GRIP1: variants seen among roughly 807,000 people sequenced by gnomAD.
GRIP1 encodes the protein glutamate receptor interacting protein 1.
Under a neutral mutation model 129.9 loss-of-function variants are expected in GRIP1, and 45 were observed. The ratio of observed to expected loss-of-function variants is 0.35; its 90% CI spans 0.27 to 0.44. GRIP1 has a LOEUF of 0.44. Ranked by LOEUF, GRIP1 falls within the 20% of genes least tolerant of loss-of-function variation. The pLI, the probability that GRIP1 is intolerant of heterozygous loss-of-function variation, is 1.00. For synonymous variants in GRIP1, 530 were observed against 520.8 expected (o/e 1.02, Z -0.24); for missense variants, 1,196 against 1,396.8 (o/e 0.86, Z 2.29).
At chr12:67,006,806 C>T (rs2042634154) in intron 1 of GRIP1, among the ~76,000 whole-genome samples, 2 of 152,126 alleles carry the variant, frequency 1.3e-5, no homozygotes, top group African/African-American at 4.8e-5. Flanking sequence ...TTTCCGTTTA[C>T]CCATGCACAA....
rs778033083 is a variant in GRIP1 at position 66,353,534 on chromosome 12, C to G, written c.3042G>C (p.Glu1014Asp). Residue 1014 changes from glutamate (E) to aspartate (D), a missense_variant, in exon 24 of 25, where the codon GAG (glutamate) becomes GAC (aspartate). By Grantham distance (45) the Glu-to-Asp change is conservative. Transcript: ENST00000359742. ...CATCTGCTACACTGAACCCAAAGTCCTCCATGTCAGAGTCCTTGTACAAGG... is the reference window on the plus strand; with the variant it reads ...CATCTGCTACACTGAACCCAAAGTCGTCCATGTCAGAGTCCTTGTACAAGG... ...KVTLYKDSDMEDFGFSVADGL... is the reference protein window; with the variant it reads ...KVTLYKDSDMDDFGFSVADGL... 6.2e-7 allele frequency: 1 copy of G among 1,613,882 alleles called. No individual in the cohort carries two copies. Among genetic ancestry groups the G allele is most frequent in the Non-Finnish European group, 8.5e-7 (1 of 1,179,790 alleles).
At chr12:66,964,175 A>C (rs2041962981) in intron 1 of GRIP1, among the ~76,000 whole-genome samples, 2 of 152,170 alleles carry the variant, frequency 1.3e-5, no homozygotes, top group African/African-American at 4.8e-5. Context: ...TCTAAAGAAT[A>C]AATCATGCAG....
intron 4 of GRIP1, among the ~76,000 whole-genome samples, chr12:66,534,031 TGTGGATG>T (rs2061539076): frequency 6.6e-6 from 1 of 152,172 alleles, no homozygotes; most frequent in African/African-American, 2.4e-5. Context: ...GACCTTCAGG[TGTGGATG>T]GCCTGTTTCT....
intron 2 of GRIP1, among the ~76,000 whole-genome samples, chr12:66,584,152 G>C (rs971484355): frequency 1.3e-5 from 2 of 149,268 alleles, no homozygotes; most frequent in African/African-American, 2.5e-5. Context: ...GTAAACTATC[G>C]CAAGAACAAA....
intron 5 of GRIP1, among the ~76,000 whole-genome samples, chr12:66,527,002 C>T (rs1355152029): frequency 7.2e-6 from 1 of 138,108 alleles, no homozygotes; most frequent in African/African-American, 2.8e-5. Flanking sequence ...GTTAGAATGG[C>T]GATCATTAAA....
chr12:67,045,066 C>T (rs1480231202), intron 1 of GRIP1, among the ~76,000 whole-genome samples: 1 of 152,158 alleles, frequency 6.6e-6, no homozygotes, highest in Non-Finnish European at 1.5e-5. Context: ...AGGTCATCTC[C>T]AGAGTGTATG....
intron 1 of GRIP1, among the ~76,000 whole-genome samples, chr12:66,922,160 G>A (rs1158166505): frequency 6.6e-6 from 1 of 152,214 alleles, no homozygotes; most frequent in African/African-American, 2.4e-5. Flanking sequence ...GGGAAAGAAT[G>A]AGGAAAACCA....
In GRIP1 at chr12:67,023,509, C is replaced by G. The variant is rs148370950; in HGVS notation, c.58+45541G>C. ...TTATTTGTCTTCTTGATGCTGATAC[C>G]ATACTGTCTTGATTATTGCAGCTTT... On this transcript the variant is annotated intron_variant, in intron 1 of 1. Transcript: ENST00000643019. Among the ~76,000 whole-genome samples, 78 of 152,072 alleles carry G rather than the reference C, an allele frequency of 5.1e-4. 5 individuals are homozygous for G. In the East Asian group the frequency reaches 0.015, roughly 29 times the overall value.
At chr12:66,605,715 C>T (rs2064492793) in intron 1 of GRIP1, among the ~76,000 whole-genome samples, 1 of 152,116 alleles carries the variant, frequency 6.6e-6, no homozygotes, top group Admixed American at 6.6e-5. Context: ...ATCTTTCCTT[C>T]TTTTTTTCTG....
intron 1 of GRIP1, among the ~76,000 whole-genome samples, chr12:66,652,468 C>T (rs949332508): frequency 6.6e-6 from 1 of 152,158 alleles, no homozygotes; most frequent in Admixed American, 6.5e-5. Context: ...TACAAATTAC[C>T]TTGGGTATTT....
intron 1 of GRIP1, among the ~76,000 whole-genome samples, chr12:66,996,154 G>A (rs1405424994): frequency 6.6e-6 from 1 of 151,634 alleles, no homozygotes; most frequent in African/African-American, 2.4e-5. Flanking sequence ...AGTGGGGAGG[G>A]GAAAATAAGG....
intron 1 of GRIP1, among the ~76,000 whole-genome samples, chr12:66,765,433 T>C (rs2037605242): frequency 6.6e-6 from 1 of 152,238 alleles, no homozygotes; most frequent in African/African-American, 2.4e-5. Context: ...TCTTCTTCCT[T>C]TGCAGTGTTG....
At chr12:66,568,911 G>C in intron 2 of GRIP1, 1 of 522,104 alleles carries the variant, frequency 1.9e-6, no homozygotes, top group African/African-American at 1.9e-5. Flanking sequence ...AGGGAGGTGA[G>C]ACAGTCTGGG....
intron 2 of GRIP1, among the ~76,000 whole-genome samples, chr12:66,549,397 G>A (rs1161622365): frequency 6.6e-6 from 1 of 151,934 alleles, no homozygotes; most frequent in African/African-American, 2.4e-5. Flanking sequence ...GGGGAATTAG[G>A]GCACGCACCA....
chr12:66,614,897 T>C (rs1330101975), intron 1 of GRIP1, among the ~76,000 whole-genome samples: 1 of 152,204 alleles, frequency 6.6e-6, no homozygotes, highest in Non-Finnish European at 1.5e-5. Flanking sequence ...CCCTTATGCC[T>C]TGGCATGACC....
At chr12:66,446,404 A>G (rs2138127562) in intron 11 of GRIP1, among the ~76,000 whole-genome samples, 1 of 152,122 alleles carries the variant, frequency 6.6e-6, no homozygotes, top group South Asian at 2.1e-4. Context: ...CTCCAGAAAG[A>G]GTCTGGCCCC....
chr12:67,037,910 T>C (rs756766793), intron 1 of GRIP1, among the ~76,000 whole-genome samples: 5 of 152,222 alleles, frequency 3.3e-5, no homozygotes, highest in Non-Finnish European at 7.3e-5. Flanking sequence ...AAAAAACTTT[T>C]AATCCCAGGG....
chr12:66,997,696 G>A (rs2042489989), intron 1 of GRIP1, among the ~76,000 whole-genome samples: 1 of 152,142 alleles, frequency 6.6e-6, no homozygotes, highest in South Asian at 2.1e-4. Context: ...AAATGAATTG[G>A]TCAAGACGGA....
At chr12:66,460,611 G>C (rs1316329115) in intron 9 of GRIP1, among the ~76,000 whole-genome samples, 3 of 152,144 alleles carry the variant, frequency 2.0e-5, no homozygotes, top group Non-Finnish European at 2.9e-5. Context: ...ATCAGTGAAA[G>C]GCATAGCTAA....
Sources: gnomAD v4.1 joint callset for allele counts (sites outside exome capture counted in the v4.1 genomes callset) on GRCh38, gnomAD v4.1.1 for gene constraint, MANE v1.5 for transcripts, NCBI Gene and HGNC (gene_info 2026-07-23, HGNC 2026-07-21) for gene names.